Variants in CNTNAP2 observed in about 807,000 individuals in gnomAD.
The protein encoded by CNTNAP2 is contactin-associated protein-like 2.
CNTNAP2 carries 98 observed loss-of-function variants against 155.2 expected under a neutral mutation model. The observed-to-expected ratio is 0.63, with a 90% CI of 0.54 to 0.75. CNTNAP2 has a LOEUF of 0.75. Among genes scored for constraint, CNTNAP2 ranks in the 30% least tolerant of loss-of-function variants. The pLI, the probability that CNTNAP2 is intolerant of heterozygous loss-of-function variation, is 0.00. For missense variants in CNTNAP2, 1,727 were observed against 1,688.1 expected (o/e 1.02, Z -0.40); for synonymous variants, 651 against 631.2 (o/e 1.03, Z -0.47).
At chr7:147,978,329 T>C (rs1442877862) in intron 15 of CNTNAP2, 2 of 346,878 alleles carry the variant, frequency 5.8e-6, no homozygotes, top group African/African-American at 4.2e-5. Flanking sequence ...TTAATGCCAT[T>C]AGGATGACTA....
chr7:146,545,472 C>T (rs1798015300), intron 1 of CNTNAP2, among the ~76,000 whole-genome samples: 1 of 151,700 alleles, frequency 6.6e-6, no homozygotes, highest in Non-Finnish European at 1.5e-5. Flanking sequence ...GGTATTTCTC[C>T]TAATGCTATA....
At chr7:146,600,478 A>AT (rs1426402516) in intron 1 of CNTNAP2, among the ~76,000 whole-genome samples, 7 of 152,068 alleles carry the variant, frequency 4.6e-5, no homozygotes, top group African/African-American at 1.2e-4. Flanking sequence ...TTTCCGATGC[A>AT]TTTTTTCTCC....
At chr7:147,433,134 G>A (rs955402877) in intron 10 of CNTNAP2, among the ~76,000 whole-genome samples, 1 of 152,170 alleles carries the variant, frequency 6.6e-6, no homozygotes, top group Non-Finnish European at 1.5e-5. Context: ...GTGGCCATCC[G>A]CAGAGTGCTG....
rs192760860 is a variant in CNTNAP2 at position 146,876,149 on chromosome 7, G to A, written c.402+36245G>A. Among the ~76,000 whole-genome samples the A allele has an allele frequency of 2.9e-3, 448 of 151,968 alleles. 2 individuals carry two copies. Among genetic ancestry groups the A allele is most frequent in the Non-Finnish European group, 4.9e-3 (334 of 67,976 alleles). On this transcript the variant is annotated intron_variant, in intron 3 of 23. Transcript: ENST00000361727. ...CAAATAAAATAATTAAATCAGTCAG[G>A]ACTGAGAGATCTAGATGCATGTTGA...
In CNTNAP2 at chr7:146,553,400, T is replaced by C. The variant is rs531935897; in HGVS notation, c.98-220871T>C. Among the ~76,000 whole-genome samples the C allele has an allele frequency of 2.6e-5, 4 of 152,116 alleles. No individual in the cohort carries two copies. In the East Asian group the frequency reaches 5.8e-4, roughly 22 times the overall value. Reference sequence around the variant, plus strand: ...GTAAATACTAATTAGTTTCTATCGGTACCTTTATTTGTTCTGAATGTTTCT... The same window carrying C: ...GTAAATACTAATTAGTTTCTATCGGCACCTTTATTTGTTCTGAATGTTTCT... On this transcript the variant is annotated intron_variant, in intron 1 of 23. Coordinates refer to ENST00000361727, the MANE Select transcript of CNTNAP2 (RefSeq NM_014141.6).
At chr7:146,601,771 G>A (rs1033901004) in intron 1 of CNTNAP2, among the ~76,000 whole-genome samples, 2 of 151,936 alleles carry the variant, frequency 1.3e-5, no homozygotes, top group Non-Finnish European at 2.9e-5. Flanking sequence ...ACAGGAATAT[G>A]TGCAAATACA....
intron 1 of CNTNAP2, among the ~76,000 whole-genome samples, chr7:146,592,406 A>C (rs1798796670): frequency 6.6e-6 from 1 of 152,230 alleles, no homozygotes; most frequent in African/African-American, 2.4e-5. Flanking sequence ...AAGTTACTAC[A>C]CACTGCACTG....
intron 21 of CNTNAP2, among the ~76,000 whole-genome samples, chr7:148,309,903 G>T (rs966291068): frequency 2.0e-5 from 3 of 152,112 alleles, no homozygotes; most frequent in African/African-American, 7.2e-5. Context: ...ATTTTGGGGG[G>T]TGGTATGGAG....
intron 1 of CNTNAP2, among the ~76,000 whole-genome samples, chr7:146,258,249 A>G (rs1799868936): frequency 6.6e-6 from 1 of 152,226 alleles, no homozygotes; most frequent in Non-Finnish European, 1.5e-5. Context: ...TTACTATATA[A>G]GAAAATAGAC....
At chr7:146,130,183 C>T (rs74714958) in intron 1 of CNTNAP2, among the ~76,000 whole-genome samples, 4,988 of 152,246 alleles carry the variant, frequency 0.033, 292 homozygotes, top group African/African-American at 0.11. Context: ...GCAGTCGGGC[C>T]GGGCGTGGTG....
chr7:146,781,533 A>G (rs1235034932), intron 2 of CNTNAP2, among the ~76,000 whole-genome samples: 5 of 152,094 alleles, frequency 3.3e-5, no homozygotes, highest in Middle Eastern at 3.2e-3. Context: ...AGTTCTAGTG[A>G]TAAGCATGAC....
At chr7:146,850,471 C>G (rs1411148277) in intron 3 of CNTNAP2, among the ~76,000 whole-genome samples, 1 of 152,022 alleles carries the variant, frequency 6.6e-6, no homozygotes, top group Admixed American at 6.6e-5. Context: ...AACAGCCAAC[C>G]AACACTTATT....
intron 1 of CNTNAP2, among the ~76,000 whole-genome samples, chr7:146,695,599 AT>A (rs999665702): frequency 3.3e-5 from 5 of 151,286 alleles, no homozygotes; most frequent in East Asian, 3.9e-4. Flanking sequence ...TGTTTTTCAT[AT>A]TTTTTTTGTA....
chr7:147,952,600 G>A (rs1388133805), intron 14 of CNTNAP2, among the ~76,000 whole-genome samples: 2 of 151,850 alleles, frequency 1.3e-5, no homozygotes, highest in African/African-American at 4.8e-5. Flanking sequence ...TAGATTATTA[G>A]CAGTTTAGTG....
intron 15 of CNTNAP2, among the ~76,000 whole-genome samples, chr7:148,105,590 T>A (rs560610104): frequency 2.0e-4 from 31 of 151,714 alleles, no homozygotes; most frequent in South Asian, 6.2e-4. Flanking sequence ...TTTTTATTTT[T>A]TTTTTTTATT....
intron 12 of CNTNAP2, among the ~76,000 whole-genome samples, chr7:147,611,283 TCTC>T (rs1392331961): frequency 2.6e-5 from 4 of 152,108 alleles, no homozygotes; most frequent in African/African-American, 9.7e-5. Context: ...AAGAGTAACA[TCTC>T]CTTGCTACAC....
intron 15 of CNTNAP2, among the ~76,000 whole-genome samples, chr7:148,008,539 G>A (rs1802019129): frequency 3.3e-5 from 5 of 152,170 alleles, no homozygotes; most frequent in Admixed American, 3.3e-4. Flanking sequence ...TTCTTTCCAT[G>A]TTTAGATCGG....
intron 17 of CNTNAP2, among the ~76,000 whole-genome samples, chr7:148,170,699 TA>T (rs906343493): frequency 4.5e-4 from 69 of 152,354 alleles, no homozygotes; most frequent in African/African-American, 1.5e-3. Flanking sequence ...GCAGAGATGG[TA>T]CAGCAACTCA....
At chr7:148,111,211 G>T (rs1201378988) in intron 15 of CNTNAP2, among the ~76,000 whole-genome samples, 1 of 152,158 alleles carries the variant, frequency 6.6e-6, no homozygotes, top group African/African-American at 2.4e-5. Context: ...ATAAAAGAAG[G>T]GACCCCCAAA....
Sources: gnomAD v4.1 joint callset for allele counts (sites outside exome capture counted in the v4.1 genomes callset) on GRCh38, gnomAD v4.1.1 for gene constraint, MANE v1.5 for transcripts, NCBI Gene and HGNC (gene_info 2026-07-23, HGNC 2026-07-21) for gene names.